The following RALGAPA2 variants were observed in gnomAD, a reference collection of about 807,000 sequenced individuals.
RALGAPA2 encodes ral GTPase-activating protein subunit alpha-2.
In RALGAPA2, 139 loss-of-function variants were observed where a neutral mutation model predicts 230.4. That is an observed-to-expected ratio of 0.60 (90% CI 0.53 to 0.69). The LOEUF (loss-of-function observed/expected upper bound fraction) is 0.69. Among genes scored for constraint, RALGAPA2 ranks in the 30% least tolerant of loss-of-function variants. The probability of loss-of-function intolerance (pLI) is 0.00; values close to 1 mark genes in which losing one functional copy is unlikely to be tolerated. For missense variants in RALGAPA2, 2,163 were observed against 2,276.0 expected (o/e 0.95, Z 1.01); for synonymous variants, 847 against 837.8 (o/e 1.01, Z -0.19).
chr20:20,427,181 G>C (rs1218236555), intron 37 of RALGAPA2, among the ~76,000 whole-genome samples: 9 of 152,160 alleles, frequency 5.9e-5, no homozygotes. Flanking sequence ...GAAAGCTGAA[G>C]GAGTAAATTG....
intron 3 of RALGAPA2, among the ~76,000 whole-genome samples, chr20:20,661,635 C>T (rs1339210676): frequency 6.6e-6 from 1 of 152,088 alleles, no homozygotes; most frequent in Non-Finnish European, 1.5e-5. Context: ...AAAGCTAAAA[C>T]CAAGTGCAAT....
intron 37 of RALGAPA2, among the ~76,000 whole-genome samples, chr20:20,446,808 C>T (rs1054274297): frequency 6.6e-6 from 1 of 152,194 alleles, no homozygotes; most frequent in Non-Finnish European, 1.5e-5. Flanking sequence ...GAGGACACTG[C>T]AGGCATTCTC....
At chr20:20,651,514 G>A (rs941007413) in intron 4 of RALGAPA2, among the ~76,000 whole-genome samples, 3 of 152,048 alleles carry the variant, frequency 2.0e-5, no homozygotes, top group African/African-American at 7.3e-5. Context: ...TCTCAATTGA[G>A]GAGTCTGAGG....
intron 27 of RALGAPA2, 79 bp downstream of exon 27, chr20:20,531,608 A>G: frequency 8.5e-7 from 1 of 1,172,666 alleles, no homozygotes; most frequent in Non-Finnish European, 1.2e-6. Context: ...GATAAAAAAG[A>G]TGGGGCTAAT....
At chr20:20,543,035 AC>A (rs751319390) in intron 24 of RALGAPA2, among the ~76,000 whole-genome samples, 31 of 152,232 alleles carry the variant, frequency 2.0e-4, no homozygotes, top group Non-Finnish European at 3.8e-4. Flanking sequence ...TCCAGAATCT[AC>A]AAGGAACTTA....
chr20:20,640,440 A>T (rs1220552747), intron 6 of RALGAPA2, among the ~76,000 whole-genome samples: 1 of 152,200 alleles, frequency 6.6e-6, no homozygotes, highest in African/African-American at 2.4e-5. Flanking sequence ...ATGTGTCTCT[A>T]CTTCGTGCTA....
chr20:20,458,699 TATACACACAC>T (rs2061199730), intron 37 of RALGAPA2, among the ~76,000 whole-genome samples: 3 of 134,934 alleles, frequency 2.2e-5, no homozygotes, highest in South Asian at 2.3e-4. Context: ...CCTATATATA[TATACACACAC>T]ACACCTATAT....
chr20:20,613,958 C>T (rs2066055414), intron 13 of RALGAPA2, among the ~76,000 whole-genome samples: 1 of 152,178 alleles, frequency 6.6e-6, no homozygotes, highest in African/African-American at 2.4e-5. Context: ...GTTTTTAATG[C>T]CTCTCAGTCC....
intron 1 of RALGAPA2, among the ~76,000 whole-genome samples, chr20:20,693,212 CTTAGTG>C (rs1450186432): frequency 7.2e-5 from 11 of 152,142 alleles, no homozygotes; most frequent in Non-Finnish European, 1.3e-4. Context: ...AGTCCAAATA[CTTAGTG>C]TTAAAGTTTT....
intron 7 of RALGAPA2, 90 bp downstream of exon 7, chr20:20,639,695 A>G: frequency 1.1e-6 from 1 of 916,496 alleles, no homozygotes; most frequent in East Asian, 2.4e-5. Flanking sequence ...AAAGAGGAAA[A>G]ATATAGATAC....
At chr20:20,700,227 G>A (rs2069295208) in intron 1 of RALGAPA2, among the ~76,000 whole-genome samples, 1 of 152,096 alleles carries the variant, frequency 6.6e-6, no homozygotes, top group South Asian at 2.1e-4. Context: ...AATACCATAT[G>A]TTCTCACTTG....
At chr20:20,584,435 T>C (rs1433281212) in intron 19 of RALGAPA2, among the ~76,000 whole-genome samples, 2 of 152,142 alleles carry the variant, frequency 1.3e-5, no homozygotes, top group Non-Finnish European at 2.9e-5. Flanking sequence ...AACTGTTTTA[T>C]TATATGTATG....
chr20:20,431,115 G>A (rs568316775), intron 37 of RALGAPA2, among the ~76,000 whole-genome samples: 1 of 151,640 alleles, frequency 6.6e-6, no homozygotes, highest in East Asian at 1.9e-4. Context: ...CTGAGACTGA[G>A]TGGAATCTAC....
At position 20,511,251 on chromosome 20, in the gene RALGAPA2, T is replaced by G; in HGVS notation, c.4928+3A>C. ...AAAAGTGGTTTGATATACTTTCACA[T>G]ACCACTGGCGGGAGTCCAAATTTTT... On this transcript the variant is annotated splice_donor_region_variant and intron_variant, in intron 33 of 39. Transcript: ENST00000202677. The G allele has an allele frequency of 1.3e-6, 2 of 1,574,254 alleles. No individual in the cohort carries two copies. Among genetic ancestry groups the G allele is most frequent in the South Asian group, 2.4e-5 (2 of 83,994 alleles).
chr20:20,585,863 G>C (rs1194028048), intron 18 of RALGAPA2, among the ~76,000 whole-genome samples: 1 of 151,860 alleles, frequency 6.6e-6, no homozygotes, highest in Admixed American at 6.6e-5. Flanking sequence ...ACAAGATGTA[G>C]AGTTAAAAGA....
Position 20,478,499 on chromosome 20 carries a change from GA to G in RALGAPA2, c.5368-5544del, listed in dbSNP as rs368478704. Among the ~76,000 whole-genome samples, 267 of 142,708 alleles carry G rather than the reference GA, an allele frequency of 1.9e-3. 1 individual carries two copies. Among genetic ancestry groups the G allele is most frequent in the African/African-American group, 4.6e-3 (180 of 39,080 alleles). The allele number at this position is 142,708 out of a possible 152,430, so 93.6% of individuals were successfully genotyped here. ...AGTTAGTTCTTTAAGGAACCATAAA[GA>G]AAAAAAAAAAATCATGTCCTTTGCA... is the stretch of plus-strand genomic sequence containing the variant. On this transcript the variant is annotated intron_variant, in intron 36 of 39. Transcript: ENST00000202677.
chr20:20,425,087 G>A (rs1156420001), intron 37 of RALGAPA2, among the ~76,000 whole-genome samples: 1 of 152,164 alleles, frequency 6.6e-6, no homozygotes. Flanking sequence ...TTCATATCTA[G>A]GTTGATTCTA....
chr20:20,524,809 C>A, intron 29 of RALGAPA2, 21 bp downstream of exon 29: 1 of 1,553,310 alleles, frequency 6.4e-7, no homozygotes, highest in Non-Finnish European at 8.7e-7. Flanking sequence ...ATAGGAAAAA[C>A]TTAGTTAATG....
intron 23 of RALGAPA2, among the ~76,000 whole-genome samples, chr20:20,563,501 A>G (rs2064317880): frequency 6.6e-6 from 1 of 152,240 alleles, no homozygotes; most frequent in South Asian, 2.1e-4. Flanking sequence ...ATGTCCCTGG[A>G]AATCTTTCCT....
Sources: gnomAD v4.1 joint callset for allele counts (sites outside exome capture counted in the v4.1 genomes callset) on GRCh38, gnomAD v4.1.1 for gene constraint, MANE v1.5 for transcripts, NCBI Gene and HGNC (gene_info 2026-07-23, HGNC 2026-07-21) for gene names.